The following CEP70 variants were observed in gnomAD, a reference collection of about 807,000 sequenced individuals.
CEP70 encodes centrosomal protein of 70 kDa.
Under a neutral mutation model 90.9 loss-of-function variants are expected in CEP70, and 70 were observed. The ratio of observed to expected loss-of-function variants is 0.77; its 90% CI spans 0.64 to 0.94. The LOEUF (loss-of-function observed/expected upper bound fraction) is 0.94, where lower values mean the gene tolerates loss of function less well. CEP70 is among the 40% of genes least tolerant of loss of function. The probability of loss-of-function intolerance (pLI) is 0.00; values close to 1 mark genes in which losing one functional copy is unlikely to be tolerated. For synonymous variants in CEP70, 220 were observed against 228.3 expected, an observed-to-expected ratio of 0.96 and a Z score of 0.33; for missense variants, 648 against 669.0, an observed-to-expected ratio of 0.97 and a Z score of 0.35.
chr3:138,520,370 T>C (rs936545703), intron 11 of CEP70, among the ~76,000 whole-genome samples: 9 of 152,100 alleles, frequency 5.9e-5, no homozygotes, highest in Non-Finnish European at 1.0e-4. Context: ...CCCAAAGCAA[T>C]AGAATGTACT....
intron 6 of CEP70, among the ~76,000 whole-genome samples, chr3:138,556,593 T>A (rs533567495): frequency 7.2e-5 from 11 of 151,756 alleles, no homozygotes; most frequent in African/African-American, 2.4e-4. Context: ...CGTAAGTTCT[T>A]TTCTATTTTC....
chr3:138,589,742 T>C (rs2042284933), intron 2 of CEP70, among the ~76,000 whole-genome samples: 1 of 152,102 alleles, frequency 6.6e-6, no homozygotes, highest in Non-Finnish European at 1.5e-5. Flanking sequence ...AATTAGATAA[T>C]AATCTGACTT....
Position 138,572,920 on chromosome 3 carries a change from G to A in CEP70, c.8C>T (p.Pro3Leu), listed in dbSNP as rs552389060. 113 of 1,608,712 alleles carry A rather than the reference G, an allele frequency of 7.0e-5. No homozygotes were observed. The highest frequency in any genetic ancestry group is 8.4e-5 in the Admixed American group (5 of 59,670). ...GGAATCCTGGGGTTTAGGGGCTACC[G>A]GAAACATAGTTACTTTTGTAGAATC... MFPVAPKPQDSSQ... is the reference protein window; with the variant it reads MFLVAPKPQDSSQ... Residue 3 changes from proline to leucine, a missense_variant, in exon 3 of 18, where the codon CCG (proline) becomes CTG (leucine). Transcript: ENST00000264982.
At chr3:138,538,912 A>G (rs928397302) in intron 6 of CEP70, among the ~76,000 whole-genome samples, 3 of 152,172 alleles carry the variant, frequency 2.0e-5, no homozygotes, top group South Asian at 2.1e-4. Context: ...TTGTCATATA[A>G]TTGTTCAAAG....
intron 6 of CEP70, among the ~76,000 whole-genome samples, chr3:138,556,229 G>C (rs970394372): frequency 2.6e-5 from 4 of 152,086 alleles, no homozygotes; most frequent in Non-Finnish European, 1.5e-5. Flanking sequence ...CAATGCAAAG[G>C]CATGAGAAAG....
In CEP70 at chr3:138,500,165, T is replaced by A; in HGVS notation, c.1597A>T (p.Asn533Tyr). ...STVGKLCRLI[N>Y]EDVNEQVMQV... Reference sequence around the variant, plus strand: ...ATAACCTGCTCATTCACATCTTCATTAATCAGCCTACAGAGTTTTCCAACA... The same window carrying A: ...ATAACCTGCTCATTCACATCTTCATAAATCAGCCTACAGAGTTTTCCAACA... The change falls in exon 16 of 18, where the codon AAT becomes TAT. Residue 533 changes from asparagine to tyrosine, a missense_variant. Transcript: ENST00000264982. 2 of 1,613,914 alleles carry A rather than the reference T, an allele frequency of 1.2e-6. No homozygotes were observed. Among genetic ancestry groups the A allele is most frequent in the Non-Finnish European group, 1.7e-6 (2 of 1,179,796 alleles).
chr3:138,506,843 G>C (rs962427785), intron 12 of CEP70, among the ~76,000 whole-genome samples: 5 of 152,140 alleles, frequency 3.3e-5, no homozygotes, highest in African/African-American at 1.2e-4. Flanking sequence ...CTGGGCTCAA[G>C]TGATCTTCCC....
At chr3:138,590,413 CTA>C (rs2042323901) in intron 2 of CEP70, among the ~76,000 whole-genome samples, 1 of 152,068 alleles carries the variant, frequency 6.6e-6, no homozygotes, top group Non-Finnish European at 1.5e-5. Flanking sequence ...CTAGCTCTGT[CTA>C]CTGAAATGCC....
intron 7 of CEP70, 99 bp from the exon 8 acceptor site, chr3:138,532,669 T>A: frequency 1.8e-6 from 2 of 1,087,106 alleles, no homozygotes; most frequent in Non-Finnish European, 2.4e-6. Context: ...TAAAAGTAAG[T>A]ACAGATTATC....
Position 138,572,103 on chromosome 3 carries a change from G to A in CEP70, c.70-747C>T, listed in dbSNP as rs574437172. ...CTAAGTATCACTTTCATAATGACTA[G>A]GGTCACAAAAAAATCAAAACATACC... On this transcript the variant is annotated intron_variant, in intron 3 of 17. Coordinates refer to ENST00000264982, the MANE Select transcript of CEP70 (RefSeq NM_024491.4). Among the ~76,000 whole-genome samples the A allele has an allele frequency of 3.3e-5, 5 of 152,120 alleles. No individual in the cohort carries two copies. The East Asian group carries it at 9.7e-4, about 29-fold the overall frequency.
At chr3:138,508,363 AT>A (rs1412006390) in intron 12 of CEP70, 75 bp downstream of exon 12, 8 of 931,998 alleles carry the variant, frequency 8.6e-6, no homozygotes, top group Non-Finnish European at 1.4e-5. Context: ...CCAACTGATA[AT>A]TTATTACACC....
intron 11 of CEP70, among the ~76,000 whole-genome samples, chr3:138,518,946 C>G (rs530460083): frequency 1.1e-4 from 17 of 152,034 alleles, no homozygotes; most frequent in Admixed American, 5.2e-4. Flanking sequence ...AAAAATTAGA[C>G]GAATGACTAA....
chr3:138,549,872 C>T (rs1035052485), intron 6 of CEP70, among the ~76,000 whole-genome samples: 16 of 152,130 alleles, frequency 1.1e-4, no homozygotes, highest in South Asian at 4.1e-4. Context: ...GACATGAAGA[C>T]GGTTCACATC....
At chr3:138,560,695 G>GT (rs770774595) in intron 6 of CEP70, among the ~76,000 whole-genome samples, 26 of 152,070 alleles carry the variant, frequency 1.7e-4, no homozygotes, top group Non-Finnish European at 3.5e-4. Flanking sequence ...GGTGAGGGGC[G>GT]TCCACCACTG....
intron 6 of CEP70, among the ~76,000 whole-genome samples, chr3:138,540,203 A>AG (rs1333896106): frequency 6.6e-6 from 1 of 152,180 alleles, no homozygotes; most frequent in African/African-American, 2.4e-5. Context: ...ATATTAAAAA[A>AG]AAAAGCTTAG....
chr3:138,570,022 G>A (rs1192933298), intron 6 of CEP70, among the ~76,000 whole-genome samples: 2 of 152,108 alleles, frequency 1.3e-5, no homozygotes, highest in African/African-American at 4.8e-5. Flanking sequence ...ACATCACCAA[G>A]GGCATCAGAG....
At chr3:138,572,690 T>G (rs55729191) in intron 3 of CEP70, among the ~76,000 whole-genome samples, 169 bp downstream of exon 3, 4,938 of 152,332 alleles carry the variant, frequency 0.032, 147 homozygotes, top group Non-Finnish European at 0.045. Context: ...CTTTGGAGAC[T>G]AATATTGTGA....
intron 12 of CEP70, among the ~76,000 whole-genome samples, chr3:138,507,840 TAGC>T (rs2035129046): frequency 6.6e-6 from 1 of 152,178 alleles, no homozygotes; most frequent in African/African-American, 2.4e-5. Flanking sequence ...AAGTTAGAAA[TAGC>T]AGCCTAGAAA....
At chr3:138,549,096 C>T (rs2039430928) in intron 6 of CEP70, among the ~76,000 whole-genome samples, 1 of 152,002 alleles carries the variant, frequency 6.6e-6, no homozygotes, top group Non-Finnish European at 1.5e-5. Flanking sequence ...ACTTGTCTCA[C>T]AGGGGTCCTT....
Sources: gnomAD v4.1 joint callset for allele counts (sites outside exome capture counted in the v4.1 genomes callset) on GRCh38, gnomAD v4.1.1 for gene constraint, MANE v1.5 for transcripts, NCBI Gene and HGNC (gene_info 2026-07-23, HGNC 2026-07-21) for gene names.